The following UBFD1 variants were observed in gnomAD, a reference collection of about 807,000 sequenced individuals.
UBFD1 encodes the protein ubiquitin family domain containing 1, also known as ubiquitin domain-containing protein UBFD1.
UBFD1 carries 12 observed loss-of-function variants against 35.1 expected under a neutral mutation model. The observed-to-expected ratio is 0.34, with a 90% CI of 0.22 to 0.55. The LOEUF (loss-of-function observed/expected upper bound fraction) is 0.55, where lower values mean the gene tolerates loss of function less well. Ranked by LOEUF, UBFD1 falls within the 20% of genes least tolerant of loss-of-function variation. The pLI is 0.89. For missense variants in UBFD1, 337 were observed against 410.8 expected, an observed-to-expected ratio of 0.82 and a Z score of 1.55; for synonymous variants, 178 against 167.6, an observed-to-expected ratio of 1.06 and a Z score of -0.48.
intron 3 of UBFD1, chr16:23,559,884 G>A: frequency 1.3e-6 from 2 of 1,530,650 alleles, no homozygotes; most frequent in East Asian, 2.4e-5. Flanking sequence ...TGTGTCTCAA[G>A]TCTACCTACT....
intron 5 of UBFD1, chr16:23,564,029 C>A (rs1489038753): frequency 6.6e-6 from 1 of 152,220 alleles, no homozygotes; most frequent in Non-Finnish European, 1.5e-5. Context: ...CTTGTCTGTC[C>A]CCCTGTTAGA....
At chr16:23,558,655 A>T (rs191086656) in intron 2 of UBFD1, among the ~76,000 whole-genome samples, 1 of 152,234 alleles carries the variant, frequency 6.6e-6, no homozygotes, top group African/African-American at 2.4e-5. Flanking sequence ...TATCTTAGGT[A>T]ATTCTTCTAA....
At position 23,570,658 on chromosome 16, in the gene UBFD1, C is replaced by T. The variant is rs188075382; in HGVS notation, c.*68C>T. On this transcript the variant is annotated 3_prime_UTR_variant, in exon 7 of 7. Coordinates refer to ENST00000395878, the MANE Select transcript of UBFD1 (RefSeq NM_019116.3). The stretch of plus-strand genomic sequence containing the variant: ...GGACATTGCCGGGAGAGGCCTGCAG[C>T]ATCCCTGGATTTCAGAGTTCTGGAA... 1.9e-4 allele frequency: 245 copies of T among 1,283,034 alleles called. 1 individual carries two copies. In the African/African-American group the frequency reaches 2.8e-3, roughly 15 times the overall value. 79.5% of individuals were successfully genotyped at this position (1,283,034 alleles called of 1,614,324 possible).
chr16:23,559,764 C>T (rs747127977), intron 3 of UBFD1, 88 bp downstream of exon 3: 26 of 1,574,296 alleles, frequency 1.7e-5, no homozygotes, highest in Non-Finnish European at 2.6e-6. Context: ...CTAGAATAAG[C>T]TCCTTTTTGG....
At chr16:23,568,856 A>G (rs965523598) in intron 6 of UBFD1, 1 of 152,058 alleles carries the variant, frequency 6.6e-6, no homozygotes, top group African/African-American at 2.4e-5. Context: ...ACAAAAAAAA[A>G]CAGTTGGACT....
intron 6 of UBFD1, chr16:23,569,759 C>T (rs888658890): frequency 6.6e-6 from 1 of 152,176 alleles, no homozygotes; most frequent in Non-Finnish European, 1.5e-5. Context: ...TGCGTCCTTC[C>T]CATCTATCCA....
intron 2 of UBFD1, among the ~76,000 whole-genome samples, chr16:23,558,831 A>C (rs1597035871): frequency 6.9e-6 from 1 of 144,304 alleles, no homozygotes; most frequent in African/African-American, 2.6e-5. Flanking sequence ...CCCAGGCTGG[A>C]GTGTACTGGC....
At chr16:23,566,866 C>T in intron 5 of UBFD1, 121 bp from the exon 6 acceptor site, 12 of 892,818 alleles carry the variant, frequency 1.3e-5, no homozygotes, top group African/African-American at 1.7e-5. Flanking sequence ...GAGGGCATGG[C>T]GCCAGTCACT....
At chr16:23,564,820 A>G (rs1965987452) in intron 5 of UBFD1, 1 of 152,244 alleles carries the variant, frequency 6.6e-6, no homozygotes. Context: ...TGACAGAACA[A>G]GAACTTCCTG....
Position 23,558,110 on chromosome 16 carries a change from T to G in UBFD1, c.186T>G (p.Pro62=). 1 of 1,578,062 alleles carries G rather than the reference T, an allele frequency of 6.3e-7. No individual in the cohort carries two copies. Among genetic ancestry groups the G allele is most frequent in the Non-Finnish European group, 8.6e-7 (1 of 1,165,170 alleles). The change falls in exon 2 of 7, where the codon CCT becomes CCG. Residue 62 remains proline, a synonymous_variant. Coordinates refer to ENST00000395878, the MANE Select transcript of UBFD1 (RefSeq NM_019116.3). ...TGCAGCCGGCCCCGGCCCAGCCCCC[T>G]GGGGACCCCGCAGCCCAGGCCTCGG... ...GSLQPAPAQP[P]GDPAAQASVS...
chr16:23,566,727 C>T, intron 5 of UBFD1: 1 of 360,694 alleles, frequency 2.8e-6, no homozygotes, highest in Non-Finnish European at 5.0e-6. Context: ...AGGGAAGATA[C>T]AATTCTGCCC....
chr16:23,564,325 C>T (rs1472046665), intron 5 of UBFD1: 1 of 152,162 alleles, frequency 6.6e-6, no homozygotes, highest in Non-Finnish European at 1.5e-5. Context: ...AATTGAAATG[C>T]CAAAAATGCT....
intron 5 of UBFD1, chr16:23,565,772 C>CT (rs1486933186): frequency 6.6e-6 from 1 of 152,200 alleles, no homozygotes; most frequent in African/African-American, 2.4e-5. Flanking sequence ...TTTTTAGACT[C>CT]TATCTTTCCA....
intron 5 of UBFD1, 48 bp from the exon 6 acceptor site, chr16:23,566,939 A>G (rs1457157080): frequency 1.3e-6 from 2 of 1,581,652 alleles, no homozygotes. Context: ...CAGAGAAGTT[A>G]GAACAGGAGG....
chr16:23,562,309 G>T, intron 4 of UBFD1, 38 bp downstream of exon 4: 1 of 1,594,970 alleles, frequency 6.3e-7, no homozygotes, highest in Non-Finnish European at 8.6e-7. Context: ...TGAAAATGAG[G>T]CAGCCCCACC....
chr16:23,561,412 A>G (rs1266541522), intron 3 of UBFD1, among the ~76,000 whole-genome samples: 1 of 152,182 alleles, frequency 6.6e-6, no homozygotes, highest in East Asian at 1.9e-4. Flanking sequence ...ACAGATGGAG[A>G]AGAAAGAAGA....
In UBFD1 at chr16:23,570,514, A is replaced by G. The variant is rs750544130; in HGVS notation, c.854A>G (p.Tyr285Cys). The G allele has an allele frequency of 6.2e-7, 1 of 1,613,936 alleles. No homozygotes were observed. The highest frequency in any genetic ancestry group is 1.7e-5 in the Admixed American group (1 of 60,004). ...TTGGGCCCCACGGAAGCCTCTTACT[A>G]CTGGGTGTACTGGGTTCCAACTCAA... ...FQLGPTEASY[Y>C]WVYWVPTQYV... Residue 285 changes from tyrosine to cysteine, a missense_variant, in exon 7 of 7, where the codon TAC becomes TGC. Coordinates refer to ENST00000395878, the MANE Select transcript of UBFD1 (RefSeq NM_019116.3).
intron 5 of UBFD1, among the ~76,000 whole-genome samples, chr16:23,563,415 TCTGA>T (rs1286570691): frequency 2.6e-5 from 4 of 151,720 alleles, no homozygotes; most frequent in Admixed American, 6.6e-5. Flanking sequence ...GGGAAGTGTC[TCTGA>T]CTGTCCTCCC....
At chr16:23,562,122 T>G (rs950081188) in intron 3 of UBFD1, 84 bp from the exon 4 acceptor site, 6 of 1,312,224 alleles carry the variant, frequency 4.6e-6, no homozygotes, top group Non-Finnish European at 4.3e-6. Context: ...ACACTAAGGC[T>G]TTCTTCATCC....
Sources: allele counts gnomAD v4.1 joint callset (sites outside exome capture counted in the v4.1 genomes callset), GRCh38; gene constraint gnomAD v4.1.1; transcripts MANE v1.5; gene names NCBI Gene and HGNC (gene_info 2026-07-23, HGNC 2026-07-21).